TNMD: variants seen among roughly 807,000 people sequenced by gnomAD.
TNMD encodes BRICHOS domain containing 4.
In TNMD, 15 loss-of-function variants were observed where a neutral mutation model predicts 26.9. The observed-to-expected ratio is 0.56, with a 90% confidence interval of 0.37 to 0.86. The LOEUF is 0.86. TNMD is among the 40% of genes least tolerant of loss of function. The pLI, the probability that TNMD is intolerant of heterozygous loss-of-function variation, is 0.00. For synonymous variants in TNMD, 73 were observed against 77.0 expected (o/e 0.95, Z 0.27); for missense variants, 222 against 242.6 (o/e 0.92, Z 0.56).
At position 100,599,621 on chromosome X, in the gene TNMD, C is replaced by A. The variant is rs1407550489; in HGVS notation, c.858C>A (p.Tyr286Ter). 1 of 1,211,740 alleles carries A rather than the reference C, an allele frequency of 8.3e-7. No homozygotes were observed. Among genetic ancestry groups the A allele is most frequent in the African/African-American group, 1.7e-5 (1 of 57,859 alleles). ...GCGTCTGTGAACCTTTACTAGGCTA[C>A]TACCCATATCCATACTGCTACCAAG... is the stretch of plus-strand genomic sequence containing the variant. ...CRRVCEPLLGYYPYPYCYQGG... is the reference protein window; with the variant it reads ...CRRVCEPLLG The change falls in exon 7 of 7, where the codon TAC (tyrosine) becomes TAA (stop). Residue 286 changes from tyrosine (Y) to a stop codon, truncating the protein, a stop_gained. Coordinates refer to ENST00000373031, the MANE Select transcript of TNMD (RefSeq NM_022144.3). LOFTEE classifies it high-confidence loss of function.
chrX:100,585,965 C>A (rs1195492786), intron 2 of TNMD, among the ~76,000 whole-genome samples: 1 of 112,069 alleles, frequency 8.9e-6, no homozygotes, highest in African/African-American at 3.2e-5. Context: ...TAGAAGCATG[C>A]GACACCAAGT....
In TNMD at chrX:100,599,625, C is replaced by G. The variant is rs1374456419; in HGVS notation, c.862C>G (p.Pro288Ala). 1 of 1,211,625 alleles carries G rather than the reference C, an allele frequency of 8.3e-7. No individual in the cohort carries two copies. The highest frequency in any genetic ancestry group is 1.1e-6 in the Non-Finnish European group (1 of 895,427). ...RVCEPLLGYY[P>A]YPYCYQGGRV... is the part of the protein sequence containing the mutation. Reference sequence around the variant, plus strand: ...CTGTGAACCTTTACTAGGCTACTACCCATATCCATACTGCTACCAAGGAGG... The same window carrying G: ...CTGTGAACCTTTACTAGGCTACTACGCATATCCATACTGCTACCAAGGAGG... The change falls in exon 7 of 7, where the codon CCA becomes GCA. Residue 288 changes from proline (P) to alanine (A), a missense_variant. Physicochemically the swap from Pro to Ala is conservative, Grantham distance 27. Transcript: ENST00000373031.
chrX:100,593,354 A>C, intron 2 of TNMD: 1 of 754,074 alleles, frequency 1.3e-6, no homozygotes, highest in Non-Finnish European at 1.6e-6. Context: ...AGGGAAGGCA[A>C]TAAATGTTTC....
intron 5 of TNMD, among the ~76,000 whole-genome samples, 154 bp from the exon 6 acceptor site, chrX:100,598,862 C>A (rs1419106335): frequency 2.7e-5 from 3 of 112,183 alleles, no homozygotes; most frequent in African/African-American, 9.7e-5. Flanking sequence ...TCTAAAATAT[C>A]AGCTGAAGGA....
chrX:100,595,870 G>C (rs1280652552), intron 4 of TNMD, among the ~76,000 whole-genome samples: 1 of 112,010 alleles, frequency 8.9e-6, no homozygotes, highest in East Asian at 2.8e-4. Context: ...AATGACTATA[G>C]AAGGCAAAGG....
In TNMD at chrX:100,588,337, A is replaced by G. The variant is rs372932150; in HGVS notation, c.180+2975A>G. Among the ~76,000 whole-genome samples the G allele has an allele frequency of 3.9e-4, 43 of 111,203 alleles. 2 individuals carry two copies. Among genetic ancestry groups the G allele is most frequent in the East Asian group, 2.0e-3 (7 of 3,520 alleles). Reference sequence around the variant, plus strand: ...ACACACACACACACAGACCAGAGAGAGAATGAAATCAAAATAAAGTGAAAC... The same window carrying G: ...ACACACACACACACAGACCAGAGAGGGAATGAAATCAAAATAAAGTGAAAC... On this transcript the variant is annotated intron_variant, in intron 2 of 6. Coordinates refer to ENST00000373031, the MANE Select transcript of TNMD (RefSeq NM_022144.3).
chrX:100,586,398 A>G (rs754774118), intron 2 of TNMD, among the ~76,000 whole-genome samples: 1 of 111,754 alleles, frequency 8.9e-6, no homozygotes, highest in South Asian at 3.8e-4. Flanking sequence ...GTTGGCATGG[A>G]CCGTTAGGAG....
chrX:100,588,843 G>A (rs1159514803), intron 2 of TNMD, among the ~76,000 whole-genome samples: 1 of 111,642 alleles, frequency 9.0e-6, no homozygotes, highest in Non-Finnish European at 1.9e-5. Context: ...TTACATAGGA[G>A]CTGCCTGGTG....
At position 100,599,394 on chromosome X, in the gene TNMD, A is replaced by T. The variant is rs1025430106; in HGVS notation, c.745-114A>T. 4.2e-6 allele frequency: 3 copies of T among 720,312 alleles called. No individual in the cohort carries two copies. In the African/African-American group the frequency reaches 6.5e-5, roughly 16 times the overall value. The allele number at this position is 720,312 out of a possible 1,213,427, so 59.4% of individuals were successfully genotyped here. A position where few individuals can be genotyped will look rare whatever the true frequency, so the allele number is the denominator to read the frequency against. On this transcript the variant is annotated intron_variant, in intron 6 of 6. Transcript: ENST00000373031. ...TCTCCATGATCAGGCTAAGGAGCTTAATTTCTCACAAGCCCCCAACTCATA... is the reference window on the plus strand; with the variant it reads ...TCTCCATGATCAGGCTAAGGAGCTTTATTTCTCACAAGCCCCCAACTCATA...
intron 2 of TNMD, among the ~76,000 whole-genome samples, chrX:100,590,522 C>A (rs1361973400): frequency 8.9e-6 from 1 of 112,160 alleles, no homozygotes; most frequent in African/African-American, 3.2e-5. Context: ...TCATTTGCTG[C>A]CTGAATGGAG....
intron 3 of TNMD, 86 bp from the exon 4 acceptor site, chrX:100,594,175 T>C (rs2082946280): frequency 2.1e-6 from 2 of 953,447 alleles, no homozygotes; most frequent in Non-Finnish European, 2.9e-6. Context: ...ATTCAAATTT[T>C]GCTAGTCTGG....
At chrX:100,593,684 T>C in intron 2 of TNMD, 2 of 341,332 alleles carry the variant, frequency 5.9e-6, no homozygotes, top group East Asian at 5.1e-5. Flanking sequence ...AAGGGGAAAA[T>C]ACTTTATAGG....
intron 5 of TNMD, among the ~76,000 whole-genome samples, chrX:100,598,783 A>T (rs1251704381): frequency 8.9e-6 from 1 of 112,094 alleles, no homozygotes; most frequent in East Asian, 2.8e-4. Context: ...CAAAGCAGTA[A>T]ATGTTTGATG....
At chrX:100,596,911 GGAAGGCCAGTGAAGT>G (rs2082954630) in intron 4 of TNMD, among the ~76,000 whole-genome samples, 1 of 112,189 alleles carries the variant, frequency 8.9e-6, no homozygotes, top group South Asian at 3.7e-4. Flanking sequence ...TGCAATAGTA[GGAAGGCCAGTGAAGT>G]CATAAACTGG....
chrX:100,592,862 A>AT (rs1335573379), intron 2 of TNMD, among the ~76,000 whole-genome samples: 1 of 111,780 alleles, frequency 8.9e-6, no homozygotes, highest in Non-Finnish European at 1.9e-5. Flanking sequence ...AGTTTCCCAG[A>AT]TTTTTTTCAT....
chrX:100,597,052 A>G (rs1165913866), intron 4 of TNMD, among the ~76,000 whole-genome samples: 1 of 112,417 alleles, frequency 8.9e-6, no homozygotes, highest in African/African-American at 3.2e-5. Flanking sequence ...TGATCTCACC[A>G]GTTTGGATTA....
Position 100,594,266 on chromosome X carries a change from C to T in TNMD, c.327C>T (p.Tyr109=), listed in dbSNP as rs1463391535. 1 of 1,185,058 alleles carries T rather than the reference C, an allele frequency of 8.4e-7. No homozygotes were observed. The highest frequency in any genetic ancestry group is 3.0e-5 in the East Asian group (1 of 33,455). ...TLEVHDFKNG[Y]TGIYFVGLQK... is the part of the protein sequence containing the mutation. ...TTGTTTTGTCTGTTTTATAGGGATACACTGGCATCTACTTCGTGGGTCTTC... is the reference window on the plus strand; with the variant it reads ...TTGTTTTGTCTGTTTTATAGGGATATACTGGCATCTACTTCGTGGGTCTTC... The change falls in exon 4 of 7, where the codon TAC becomes TAT. Residue 109 remains tyrosine, a synonymous_variant. Coordinates refer to ENST00000373031, the MANE Select transcript of TNMD (RefSeq NM_022144.3).
At chrX:100,586,344 G>GA (rs36050834) in intron 2 of TNMD, among the ~76,000 whole-genome samples, 2 of 111,608 alleles carry the variant, frequency 1.8e-5, no homozygotes, top group African/African-American at 3.3e-5. Flanking sequence ...GATGTAGGGA[G>GA]AAAAAAGCAC....
At chrX:100,597,461 A>C in intron 4 of TNMD, 43 bp from the exon 5 acceptor site, 1 of 1,194,302 alleles carries the variant, frequency 8.4e-7, no homozygotes, top group Non-Finnish European at 1.1e-6. Context: ...TGTTCTACTA[A>C]TTTCTCTGCC....
Sources: gnomAD v4.1 joint callset for allele counts (sites outside exome capture counted in the v4.1 genomes callset) on GRCh38, gnomAD v4.1.1 for gene constraint, MANE v1.5 for transcripts, NCBI Gene and HGNC (gene_info 2026-07-23, HGNC 2026-07-21) for gene names.